Variants in PRKD1 observed in about 807,000 individuals in gnomAD.
The protein encoded by PRKD1 is protein kinase D1.
In PRKD1, 63 loss-of-function variants were observed where a neutral mutation model predicts 95.9. The observed-to-expected ratio is 0.66, with a 90% CI of 0.54 to 0.81. The LOEUF (loss-of-function observed/expected upper bound fraction) is 0.81. Ranked by LOEUF, PRKD1 falls within the 30% of genes least tolerant of loss-of-function variation. The probability of loss-of-function intolerance (pLI) is 0.00; values close to 1 mark genes in which losing one functional copy is unlikely to be tolerated. For missense variants in PRKD1, 1,048 were observed against 1,165.3 expected (o/e 0.90, Z 1.47); for synonymous variants, 425 against 423.1 (o/e 1.00, Z -0.05).
At chr14:29,810,034 A>G (rs1890413967) in intron 1 of PRKD1, among the ~76,000 whole-genome samples, 1 of 152,200 alleles carries the variant, frequency 6.6e-6, no homozygotes, top group African/African-American at 2.4e-5. Context: ...GCCTAAACAG[A>G]AGGAGGGAGA....
chr14:29,737,778 C>A (rs542573355), intron 1 of PRKD1, among the ~76,000 whole-genome samples: 1 of 152,252 alleles, frequency 6.6e-6, no homozygotes, highest in East Asian at 1.9e-4. Flanking sequence ...AGCGGTAGAT[C>A]CTGAGGTCTA....
chr14:29,918,526 G>C (rs1008411706), intron 1 of PRKD1, among the ~76,000 whole-genome samples: 1 of 152,102 alleles, frequency 6.6e-6, no homozygotes, highest in African/African-American at 2.4e-5. Flanking sequence ...AATACTTGCC[G>C]TAACACAAGT....
chr14:29,637,014 T>C (rs962230724), intron 6 of PRKD1, among the ~76,000 whole-genome samples: 3 of 152,174 alleles, frequency 2.0e-5, no homozygotes, highest in Non-Finnish European at 2.9e-5. Context: ...TAGATGCTCG[T>C]TTTCCGTTTT....
chr14:29,790,571 T>A (rs1242022418), intron 1 of PRKD1, among the ~76,000 whole-genome samples: 3 of 152,298 alleles, frequency 2.0e-5, no homozygotes, highest in Middle Eastern at 6.8e-3. Context: ...GATTTCCCAA[T>A]GTCTATGCTA....
At chr14:29,796,399 T>C (rs1381517558) in intron 1 of PRKD1, among the ~76,000 whole-genome samples, 1 of 152,168 alleles carries the variant, frequency 6.6e-6, no homozygotes, top group Non-Finnish European at 1.5e-5. Context: ...AACTTGTCTA[T>C]TAAAATTTTT....
At chr14:29,918,089 G>A (rs896384726) in intron 1 of PRKD1, among the ~76,000 whole-genome samples, 9 of 151,940 alleles carry the variant, frequency 5.9e-5, no homozygotes, top group African/African-American at 1.9e-4. Flanking sequence ...TATATTGCCT[G>A]ATTGTAGATT....
At chr14:29,620,713 T>G (rs1347322058) in intron 13 of PRKD1, among the ~76,000 whole-genome samples, 1 of 152,084 alleles carries the variant, frequency 6.6e-6, no homozygotes, top group African/African-American at 2.4e-5. Context: ...TAGGAACACT[T>G]TCACACTGTT....
intron 2 of PRKD1, among the ~76,000 whole-genome samples, chr14:29,723,209 C>A (rs1180699705): frequency 6.6e-6 from 1 of 152,158 alleles, no homozygotes; most frequent in Non-Finnish European, 1.5e-5. Flanking sequence ...TATTGCCATA[C>A]TTAAATGGAA....
chr14:29,592,855 T>C (rs1475051303), intron 16 of PRKD1: 3 of 152,208 alleles, frequency 2.0e-5, no homozygotes, highest in African/African-American at 7.2e-5. Context: ...CTAGTACTTT[T>C]AGAAATTATT....
In PRKD1 at chr14:29,700,983, C is replaced by T. The variant is rs995579406; in HGVS notation, c.403+24553G>A. Among the ~76,000 whole-genome samples the T allele has an allele frequency of 6.3e-5, 3 of 47,438 alleles. No homozygotes were observed. In the East Asian group the frequency reaches 1.7e-3, roughly 27 times the overall value. The allele number at this position is 47,438 out of a possible 152,430, so 31.1% of individuals were successfully genotyped here. ...GTGTGTACGCGTGCGCATGCGCGCGCGCGCGCACACACACACACACACACC... is the reference window on the plus strand; with the variant it reads ...GTGTGTACGCGTGCGCATGCGCGCGTGCGCGCACACACACACACACACACC... On this transcript the variant is annotated intron_variant, in intron 2 of 17. Coordinates refer to ENST00000331968, the MANE Select transcript of PRKD1 (RefSeq NM_002742.3).
chr14:29,909,522 G>A (rs1343578445), intron 1 of PRKD1, among the ~76,000 whole-genome samples: 1 of 152,212 alleles, frequency 6.6e-6, no homozygotes, highest in Admixed American at 6.5e-5. Context: ...CTAAGGGATT[G>A]TAGATACACC....
At chr14:29,673,316 G>A (rs1195295424) in intron 2 of PRKD1, among the ~76,000 whole-genome samples, 2 of 152,168 alleles carry the variant, frequency 1.3e-5, no homozygotes, top group African/African-American at 2.4e-5. Context: ...AGTTGGCCAA[G>A]GATACTCTCC....
chr14:29,696,348 G>GAT (rs1476067725), intron 2 of PRKD1, among the ~76,000 whole-genome samples: 1 of 152,064 alleles, frequency 6.6e-6, no homozygotes, highest in Admixed American at 6.6e-5. Flanking sequence ...AAACATAAAG[G>GAT]ATATGCAAAG....
At chr14:29,750,433 T>C (rs1449300351) in intron 1 of PRKD1, among the ~76,000 whole-genome samples, 1 of 152,056 alleles carries the variant, frequency 6.6e-6, no homozygotes, top group Non-Finnish European at 1.5e-5. Context: ...ATACTAAACA[T>C]TGAATTAAAT....
intron 13 of PRKD1, among the ~76,000 whole-genome samples, chr14:29,610,232 A>G (rs1473406377): frequency 6.6e-6 from 1 of 152,224 alleles, no homozygotes; most frequent in Non-Finnish European, 1.5e-5. Flanking sequence ...AAAGCCACAG[A>G]CTGGGAGAAA....
chr14:29,831,923 T>C (rs1374986904), intron 1 of PRKD1, among the ~76,000 whole-genome samples: 2 of 152,188 alleles, frequency 1.3e-5, no homozygotes, highest in East Asian at 3.8e-4. Flanking sequence ...GACCTGTCCA[T>C]GTTAATACAT....
intron 1 of PRKD1, among the ~76,000 whole-genome samples, chr14:29,859,298 C>T (rs562491330): frequency 4.6e-5 from 7 of 150,798 alleles, no homozygotes; most frequent in Admixed American, 6.7e-5. Flanking sequence ...GGTGAAAGCC[C>T]GTCTCTACTA....
At chr14:29,706,627 A>G (rs1431012532) in intron 2 of PRKD1, among the ~76,000 whole-genome samples, 2 of 152,196 alleles carry the variant, frequency 1.3e-5, no homozygotes, top group African/African-American at 4.8e-5. Context: ...AGGGATAATA[A>G]TAACAACAAG....
At chr14:29,687,619 A>G (rs560351901) in intron 2 of PRKD1, among the ~76,000 whole-genome samples, 1 of 152,342 alleles carries the variant, frequency 6.6e-6, no homozygotes, top group African/African-American at 2.4e-5. Context: ...AGTTACTACA[A>G]CCACTCTGAC....
Sources: allele counts gnomAD v4.1 joint callset (sites outside exome capture counted in the v4.1 genomes callset), GRCh38; gene constraint gnomAD v4.1.1; transcripts MANE v1.5; gene names NCBI Gene and HGNC (gene_info 2026-07-23, HGNC 2026-07-21).